The following RNF144A variants were observed in gnomAD, a reference collection of about 807,000 sequenced individuals.
The protein encoded by RNF144A is ring finger protein 144A.
RNF144A carries 11 observed loss-of-function variants against 38.7 expected under a neutral mutation model. The observed-to-expected ratio is 0.28, with a 90% CI of 0.18 to 0.47. The LOEUF (loss-of-function observed/expected upper bound fraction) is 0.47, where lower values mean the gene tolerates loss of function less well. Among genes scored for constraint, RNF144A ranks in the 20% least tolerant of loss-of-function variants. RNF144A has a pLI of 0.99. For synonymous variants in RNF144A, 149 were observed against 143.9 expected (o/e 1.04, Z -0.25); for missense variants, 316 against 377.2 (o/e 0.84, Z 1.34).
chr2:7,043,583 T>C lies in RNF144A; in HGVS notation c.*3823T>C. 1 of 985,736 alleles carries C rather than the reference T, an allele frequency of 1.0e-6. No individual in the cohort carries two copies. Among genetic ancestry groups the C allele is most frequent in the Non-Finnish European group, 1.2e-6 (1 of 829,844 alleles). 61.1% of individuals were successfully genotyped at this position (985,736 alleles called of 1,614,324 possible). On this transcript the variant is annotated 3_prime_UTR_variant, in exon 9 of 9. Coordinates refer to ENST00000320892, the MANE Select transcript of RNF144A (RefSeq NM_014746.6). ...TATTTCTGATAATTAACCTAAGCCC[T>C]TATGAAAATAAACAAAATGAAGGGA...
intron 2 of RNF144A, among the ~76,000 whole-genome samples, chr2:6,979,734 T>G (rs1668519938): frequency 6.6e-6 from 1 of 152,238 alleles, no homozygotes; most frequent in African/African-American, 2.4e-5. Flanking sequence ...AAGTTCTGAA[T>G]TTGCCACTTA....
chr2:6,930,448 A>G (rs1665133215), intron 1 of RNF144A, among the ~76,000 whole-genome samples: 1 of 152,050 alleles, frequency 6.6e-6, no homozygotes, highest in Admixed American at 6.6e-5. Context: ...AAATTCAGTC[A>G]TCCCCTCAGT....
intron 3 of RNF144A, among the ~76,000 whole-genome samples, chr2:7,006,520 C>G (rs765161646): frequency 1.3e-5 from 2 of 152,040 alleles, no homozygotes; most frequent in Admixed American, 6.5e-5. Flanking sequence ...CTCCTGCCTC[C>G]GATGCCCGTA....
intron 6 of RNF144A, among the ~76,000 whole-genome samples, chr2:7,051,626 C>T (rs538706185): frequency 2.0e-5 from 3 of 152,298 alleles, no homozygotes; most frequent in Non-Finnish European, 2.9e-5. Context: ...CAGTGGCTCA[C>T]GCCTGTAATC....
chr2:6,967,827 T>C (rs11675646), intron 2 of RNF144A, among the ~76,000 whole-genome samples: 49,114 of 151,996 alleles, frequency 0.32, 8,552 homozygotes, highest in Non-Finnish European at 0.4. Context: ...TTTTAATGTG[T>C]AAAATGAGGG....
At chr2:7,012,099 G>GGA in intron 3 of RNF144A, among the ~76,000 whole-genome samples, 1 of 152,148 alleles carries the variant, frequency 6.6e-6, no homozygotes. Context: ...AGAGTCTTCA[G>GGA]CATCGTATAT....
chr2:6,925,592 G>A (rs1401688217), intron 1 of RNF144A, among the ~76,000 whole-genome samples: 2 of 152,174 alleles, frequency 1.3e-5, no homozygotes, highest in South Asian at 2.1e-4. Flanking sequence ...ATGTGGGCAA[G>A]CCGCAGGTAA....
chr2:6,957,936 A>G (rs1667113829), intron 2 of RNF144A, among the ~76,000 whole-genome samples: 1 of 152,154 alleles, frequency 6.6e-6, no homozygotes. Context: ...GCTTGGTGTG[A>G]GGCTCTTAGC....
At chr2:7,039,259 G>T (rs542525818) in intron 8 of RNF144A, among the ~76,000 whole-genome samples, 83 of 150,594 alleles carry the variant, frequency 5.5e-4, no homozygotes, top group African/African-American at 2.0e-3. Context: ...ATGGATGATG[G>T]TTAATGGATG....
At chr2:6,934,035 C>A (rs1665386949) in intron 1 of RNF144A, among the ~76,000 whole-genome samples, 1 of 152,068 alleles carries the variant, frequency 6.6e-6, no homozygotes, top group Admixed American at 6.5e-5. Flanking sequence ...ATACTTAGGG[C>A]AGCACATGTG....
chr2:6,937,531 C>T (rs1201100168), intron 1 of RNF144A, among the ~76,000 whole-genome samples: 1 of 152,248 alleles, frequency 6.6e-6, no homozygotes, highest in African/African-American at 2.4e-5. Flanking sequence ...ATTCTGTTTA[C>T]AGGCTCTTCT....
rs563536221 is a variant in RNF144A at position 6,970,163 on chromosome 2, TG to T, written c.-11-26752del. 7.9e-3 allele frequency among the ~76,000 whole-genome samples: 1,197 copies of T among 152,366 alleles called. 8 individuals are homozygous for T. Among genetic ancestry groups the T allele is most frequent in the Middle Eastern group, 0.024 (7 of 294 alleles). On this transcript the variant is annotated intron_variant, in intron 2 of 8. Coordinates refer to ENST00000320892, the MANE Select transcript of RNF144A (RefSeq NM_014746.6). ...CTTGGGTCCTGATATGGTTTGGCTT[TG>T]TGTCCTCACCCAAATCTCATCTTGT...
chr2:6,928,326 C>T (rs898620675), intron 1 of RNF144A, among the ~76,000 whole-genome samples: 1 of 152,228 alleles, frequency 6.6e-6, no homozygotes, highest in African/African-American at 2.4e-5. Flanking sequence ...TTCATTGCCG[C>T]AGGCCCCCTT....
Position 6,944,865 on chromosome 2 carries a change from A to T in RNF144A, c.-12+3718A>T, listed in dbSNP as rs1403357464. On this transcript the variant is annotated intron_variant, in intron 2 of 8. Coordinates refer to ENST00000320892, the MANE Select transcript of RNF144A (RefSeq NM_014746.6). The surrounding 1 kb of genome is among the most constrained non-coding windows in gnomAD (Gnocchi z 4.7). Reference sequence around the variant, plus strand: ...TGGTGAAGTGGCCAAAATACTAGAAAATGACATTCCAGCACGAGCAAAGAT... The same window carrying T: ...TGGTGAAGTGGCCAAAATACTAGAATATGACATTCCAGCACGAGCAAAGAT... 1.3e-5 allele frequency among the ~76,000 whole-genome samples: 2 copies of T among 152,242 alleles called. No homozygotes were observed. The highest frequency in any genetic ancestry group is 4.8e-5 in the African/African-American group (2 of 41,464).
downstream of RNF144A, among the ~76,000 whole-genome samples, chr2:7,046,396 G>A (rs1352778776): frequency 6.6e-6 from 1 of 152,232 alleles, no homozygotes; most frequent in Non-Finnish European, 1.5e-5. Context: ...TATAGCCAGG[G>A]AAGGCTGGAG....
intron 3 of RNF144A, among the ~76,000 whole-genome samples, chr2:7,011,008 G>A (rs1670761948): frequency 6.6e-6 from 1 of 152,176 alleles, no homozygotes; most frequent in African/African-American, 2.4e-5. Flanking sequence ...AACATACAAA[G>A]GAGAGGTTCT....
chr2:7,020,321 G>A (rs1558437829), intron 5 of RNF144A, 152 bp from the exon 6 acceptor site: 4 of 655,948 alleles, frequency 6.1e-6, no homozygotes, highest in Non-Finnish European at 1.1e-5. Flanking sequence ...GTGGAAGGGT[G>A]GCTTGGGCGG....
intron 3 of RNF144A, among the ~76,000 whole-genome samples, chr2:7,003,201 A>T (rs1170439165): frequency 1.3e-5 from 2 of 152,238 alleles, no homozygotes; most frequent in Non-Finnish European, 2.9e-5. Context: ...AAAGTAAAAA[A>T]GTTACAGGAA....
intron 6 of RNF144A, among the ~76,000 whole-genome samples, chr2:7,023,233 G>T (rs1671655156): frequency 6.6e-6 from 1 of 152,024 alleles, no homozygotes; most frequent in Admixed American, 6.5e-5. Context: ...AAACAGTCAC[G>T]TTCAGTTGGA....
Sources: gnomAD v4.1 joint callset for allele counts (sites outside exome capture counted in the v4.1 genomes callset) on GRCh38, gnomAD v4.1.1 for gene constraint, Gnocchi (gnomAD v3.1) non-coding constraint, MANE v1.5 for transcripts, NCBI Gene and HGNC (gene_info 2026-07-23, HGNC 2026-07-21) for gene names.